The following REDIC1 variants were observed in gnomAD, a reference collection of about 807,000 sequenced individuals.
REDIC1 encodes the protein HEI10 Interacting Protein 1.
chr12:39,683,106 G>A, the REDIC1 span: 1 of 1,609,694 alleles, frequency 6.2e-7, no homozygotes, highest in Non-Finnish European at 8.5e-7. Flanking sequence ...CATCTTTTGA[G>A]AACGATTACT....
chr12:39,893,438 T>C, the REDIC1 span, among the ~76,000 whole-genome samples: 1 of 152,230 alleles, frequency 6.6e-6, no homozygotes, highest in African/African-American at 2.4e-5. Flanking sequence ...TGGCTGGGAC[T>C]ACAGGTGCGT....
the REDIC1 span, among the ~76,000 whole-genome samples, chr12:39,900,992 T>C: frequency 6.6e-6 from 1 of 152,010 alleles, no homozygotes; most frequent in African/African-American, 2.4e-5. Context: ...AAAACAGAGA[T>C]ATAGATCAAT....
the REDIC1 span, among the ~76,000 whole-genome samples, chr12:39,663,094 T>C: frequency 3.3e-5 from 5 of 152,248 alleles, no homozygotes; most frequent in East Asian, 7.7e-4. Context: ...CTTTTTGTTG[T>C]ATCCTTGCCT....
At chr12:39,896,288 A>ATT in the REDIC1 span, among the ~76,000 whole-genome samples, 1 of 41,112 alleles carries the variant, frequency 2.4e-5, no homozygotes, top group South Asian at 8.5e-4. Context: ...ACATGTATGT[A>ATT]TATGTGTGTA....
At chr12:39,737,873 G>C in the REDIC1 span, among the ~76,000 whole-genome samples, 4 of 152,134 alleles carry the variant, frequency 2.6e-5, no homozygotes, top group African/African-American at 7.2e-5. Flanking sequence ...TCCCTGATTT[G>C]TGTGTAGCTA....
the REDIC1 span, among the ~76,000 whole-genome samples, chr12:39,746,571 G>A: frequency 7.9e-5 from 12 of 152,210 alleles, no homozygotes; most frequent in Admixed American, 7.9e-4. Flanking sequence ...CAGCTTTGAA[G>A]AGAGTAGTGG....
chr12:39,713,695 G>A, the REDIC1 span, among the ~76,000 whole-genome samples: 25 of 143,746 alleles, frequency 1.7e-4, 1 homozygote, highest in South Asian at 4.9e-3. Context: ...GTATACATGC[G>A]TATATACATA....
At chr12:39,821,358 C>G in the REDIC1 span, among the ~76,000 whole-genome samples, 1 of 151,788 alleles carries the variant, frequency 6.6e-6, no homozygotes, top group East Asian at 1.9e-4. Context: ...TGCAGTGAGC[C>G]GAGATTGTGC....
chr12:39,820,720 TATATATATA>T, the REDIC1 span, among the ~76,000 whole-genome samples: 1 of 622 alleles, frequency 1.6e-3, no homozygotes, highest in Non-Finnish European at 2.8e-3. Context: ...TTTAAATTTA[TATATATATA>T]TATATATATA....
chr12:39,895,981 C>T, the REDIC1 span, among the ~76,000 whole-genome samples: 1 of 131,774 alleles, frequency 7.6e-6, no homozygotes, highest in African/African-American at 2.9e-5. Flanking sequence ...TATATGTATA[C>T]ATACATTCAT....
chr12:39,669,642 C>G, the REDIC1 span, among the ~76,000 whole-genome samples: 2 of 152,348 alleles, frequency 1.3e-5, no homozygotes, highest in East Asian at 3.9e-4. Context: ...CTATGCCCTG[C>G]CCCCAGAGGT....
At chr12:39,879,140 G>A in the REDIC1 span, among the ~76,000 whole-genome samples, 1 of 152,268 alleles carries the variant, frequency 6.6e-6, no homozygotes, top group African/African-American at 2.4e-5. Context: ...AGAATGCTTG[G>A]CAGCCTCTGC....
chr12:39,755,863 C>A, the REDIC1 span: 1 of 151,948 alleles, frequency 6.6e-6, no homozygotes, highest in Admixed American at 6.6e-5. Flanking sequence ...GGATAAAATA[C>A]TTTCATGAAC....
At chr12:39,690,078 G>A in the REDIC1 span, among the ~76,000 whole-genome samples, 1 of 152,286 alleles carries the variant, frequency 6.6e-6, no homozygotes, top group East Asian at 1.9e-4. Flanking sequence ...TCTACCAGAG[G>A]GGCCAAGGCA....
the REDIC1 span, among the ~76,000 whole-genome samples, chr12:39,882,662 T>C: frequency 6.6e-6 from 1 of 152,278 alleles, no homozygotes; most frequent in South Asian, 2.1e-4. Context: ...AGCAATCAGA[T>C]GGGTGCTCCC....
chr12:39,687,088 C>CT, the REDIC1 span, among the ~76,000 whole-genome samples: 5 of 152,128 alleles, frequency 3.3e-5, no homozygotes, highest in Non-Finnish European at 7.4e-5. Flanking sequence ...CATTTTCAGC[C>CT]TTTTTTGTTA....
the REDIC1 span, among the ~76,000 whole-genome samples, chr12:39,653,585 C>CTTCTTCTTCTTCTTCTTT: frequency 2.7e-5 from 2 of 75,198 alleles, no homozygotes; most frequent in Admixed American, 1.6e-4. Context: ...TCTTCCTCTT[C>CTTCTTCTTCTTCTTCTTT]TTCTTCCTCT....
At chr12:39,656,495 AATG>A in the REDIC1 span, among the ~76,000 whole-genome samples, 1 of 152,222 alleles carries the variant, frequency 6.6e-6, no homozygotes, top group East Asian at 1.9e-4. Context: ...AATAATTGAT[AATG>A]ATAATAAATG....
At chr12:39,765,075 G>A in the REDIC1 span, among the ~76,000 whole-genome samples, 5 of 152,114 alleles carry the variant, frequency 3.3e-5, no homozygotes, top group Admixed American at 6.6e-5. Context: ...CAAAGACACC[G>A]TGTTTTATAA....
Sources: gnomAD v4.1 joint callset for allele counts (sites outside exome capture counted in the v4.1 genomes callset) on GRCh38, gnomAD v4.1.1 for gene constraint, MANE v1.5 for transcripts, NCBI Gene and HGNC (gene_info 2026-07-23, HGNC 2026-07-21) for gene names.